The following SLC1A6 variants were observed in gnomAD, a reference collection of about 807,000 sequenced individuals.
The protein encoded by SLC1A6 is excitatory amino acid transporter 4.
SLC1A6 carries 15 observed loss-of-function variants against 42.1 expected under a neutral mutation model. The ratio of observed to expected loss-of-function variants is 0.36; its 90% CI spans 0.24 to 0.55. The LOEUF (loss-of-function observed/expected upper bound fraction) is 0.55. Ranked by LOEUF, SLC1A6 falls within the 20% of genes least tolerant of loss-of-function variation. The probability of loss-of-function intolerance (pLI) is 0.88; values close to 1 mark genes in which losing one functional copy is unlikely to be tolerated. For synonymous variants in SLC1A6, 317 were observed against 319.7 expected (o/e 0.99, Z 0.09); for missense variants, 542 against 772.5 (o/e 0.70, Z 3.54).
At chr19:15,010,225 G>GAGAAA (rs145113862) in intron 1 of SLC1A6, among the ~76,000 whole-genome samples, 7,036 of 89,826 alleles carry the variant, frequency 0.078, 261 homozygotes, top group African/African-American at 0.13. Flanking sequence ...AAGAGAGAGA[G>GAGAAA]AGAAAAGAAA....
intron 4 of SLC1A6, among the ~76,000 whole-genome samples, chr19:14,964,800 T>G (rs913260113): frequency 2.0e-5 from 3 of 152,178 alleles, no homozygotes; most frequent in African/African-American, 7.2e-5. Context: ...ATGATTAAGG[T>G]AGAACCATGG....
At chr19:14,987,400 A>G (rs111329710) in intron 1 of SLC1A6, among the ~76,000 whole-genome samples, 3,320 of 152,018 alleles carry the variant, frequency 0.022, 136 homozygotes, top group African/African-American at 0.076. Flanking sequence ...CCCAGGAGGC[A>G]GAGGTTGCAG....
intron 3 of SLC1A6, among the ~76,000 whole-genome samples, chr19:14,968,750 C>T (rs1568290398): frequency 6.6e-6 from 1 of 152,124 alleles, no homozygotes; most frequent in East Asian, 1.9e-4. Flanking sequence ...CAGCACTCCA[C>T]TATCCTACTG....
intron 1 of SLC1A6, chr19:14,977,189 A>G (rs954214580): frequency 2.6e-5 from 4 of 152,188 alleles, no homozygotes; most frequent in Non-Finnish European, 5.9e-5. Context: ...ACAGTCAGGA[A>G]AACTCCCGAG....
At chr19:14,953,701 A>T (rs543338401) in intron 8 of SLC1A6, among the ~76,000 whole-genome samples, 1 of 152,332 alleles carries the variant, frequency 6.6e-6, no homozygotes, top group Non-Finnish European at 1.5e-5. Context: ...CTGAAAAAGT[A>T]ACGCTGAAGA....
chr19:14,998,210 T>C (rs2045856336), intron 1 of SLC1A6, among the ~76,000 whole-genome samples: 1 of 152,090 alleles, frequency 6.6e-6, no homozygotes, highest in Admixed American at 6.6e-5. Flanking sequence ...TCTCTTCCCT[T>C]TGGAATTCAG....
intron 1 of SLC1A6, among the ~76,000 whole-genome samples, chr19:15,005,712 C>T (rs2045893065): frequency 1.3e-5 from 2 of 152,140 alleles, no homozygotes; most frequent in African/African-American, 4.8e-5. Context: ...AATTTCAATG[C>T]TTAGATAATA....
intron 4 of SLC1A6, among the ~76,000 whole-genome samples, chr19:14,967,178 C>T (rs1227615463): frequency 6.6e-6 from 1 of 152,182 alleles, no homozygotes; most frequent in African/African-American, 2.4e-5. Context: ...CTAGCAGCAG[C>T]TGCTGTTGGA....
At chr19:14,984,561 A>G (rs2045783939), upstream of SLC1A6, among the ~76,000 whole-genome samples, 1 of 152,214 alleles carries the variant, frequency 6.6e-6, no homozygotes, top group South Asian at 2.1e-4. Context: ...AAAATGCTAC[A>G]TATTTTAGTT....
At chr19:14,992,286 T>C (rs1266008112) in intron 1 of SLC1A6, among the ~76,000 whole-genome samples, 1 of 152,230 alleles carries the variant, frequency 6.6e-6, no homozygotes, top group Non-Finnish European at 1.5e-5. Context: ...TCGCCGGTTT[T>C]TTGGTGCTAC....
intron 1 of SLC1A6, among the ~76,000 whole-genome samples, chr19:14,989,365 A>G (rs960494035): frequency 6.6e-6 from 1 of 151,976 alleles, no homozygotes; most frequent in Non-Finnish European, 1.5e-5. Context: ...GGGTTCAAGC[A>G]ATTCTCCTGC....
intron 7 of SLC1A6, among the ~76,000 whole-genome samples, chr19:14,956,196 T>G (rs748934612): frequency 2.0e-5 from 3 of 152,096 alleles, no homozygotes; most frequent in Non-Finnish European, 4.4e-5. Context: ...AGGAAATGAC[T>G]GAGCTCATGG....
At position 14,966,730 on chromosome 19, in the gene SLC1A6, C is replaced by T. The variant is rs565165268; in HGVS notation, c.548+1573G>A. 3.3e-3 allele frequency among the ~76,000 whole-genome samples: 503 copies of T among 152,120 alleles called. 2 individuals carry two copies. Among genetic ancestry groups the T allele is most frequent in the African/African-American group, 0.01 (420 of 41,472 alleles). ...AATGAGTTCATGTCCTTTGCAGGGA[C>T]GTGGATGAAGCTGGAAGCCATCATT... On this transcript the variant is annotated intron_variant, in intron 4 of 9. Coordinates refer to ENST00000594383, the MANE Select transcript of SLC1A6 (RefSeq NM_005071.3).
intron 1 of SLC1A6, among the ~76,000 whole-genome samples, chr19:14,976,476 T>G (rs1465409711): frequency 6.6e-6 from 1 of 152,214 alleles, no homozygotes; most frequent in South Asian, 2.1e-4. Flanking sequence ...GCAACACACA[T>G]ACAACTGGAG....
intron 1 of SLC1A6, among the ~76,000 whole-genome samples, chr19:15,004,797 G>A (rs2045888364): frequency 6.6e-6 from 1 of 152,130 alleles, no homozygotes; most frequent in Admixed American, 6.5e-5. Context: ...TTATTTGTTA[G>A]TTTAAGAGAG....
Position 14,964,411 on chromosome 19 carries a change from T to A in SLC1A6, c.549-50A>T, listed in dbSNP as rs2045550687. ...AAAGTGGTTAGACCATGGAAGGGCA[T>A]CTAGGGTGATAACAGTAATACTAAC... On this transcript the variant is annotated intron_variant, in intron 4 of 9. Transcript: ENST00000594383. 3 of 1,464,472 alleles carry A rather than the reference T, an allele frequency of 2.0e-6. No homozygotes were observed. In the Admixed American group the frequency reaches 5.0e-5, roughly 25 times the overall value. 90.7% of individuals were successfully genotyped at this position (1,464,472 alleles called of 1,614,324 possible). A position where few individuals can be genotyped will look rare whatever the true frequency, so the allele number is the denominator to read the frequency against.
Position 14,956,531 on chromosome 19 carries a change from G to C in SLC1A6, c.1114C>G (p.Pro372Ala). ...GCTTGTAGCATGCCCCCAATGAAGG[G>C]GAAGGGGTTCCGGTGAGTGACGAGG... ...YFLVTHRNPF[P>A]FIGGMLQALI... is the part of the protein sequence containing the mutation. The change falls in exon 7 of 10, where the codon CCC becomes GCC. Residue 372 changes from proline to alanine, a missense_variant. This residue lies in a region of SLC1A6 where 298 missense variants were observed against 419.4 expected (regional missense o/e 0.71). Transcript: ENST00000594383. 6.2e-7 allele frequency: 1 copy of C among 1,611,600 alleles called. No homozygotes were observed. Among genetic ancestry groups the C allele is most frequent in the Non-Finnish European group, 8.5e-7 (1 of 1,178,646 alleles).
At chr19:14,971,173 TG>T (rs1187476946) in intron 3 of SLC1A6, among the ~76,000 whole-genome samples, 1 of 152,200 alleles carries the variant, frequency 6.6e-6, no homozygotes, top group Non-Finnish European at 1.5e-5. Context: ...TTTTACTGTG[TG>T]GGGGTTGGTG....
At chr19:14,974,748 T>C (rs1247031889) in intron 1 of SLC1A6, 3 of 152,024 alleles carry the variant, frequency 2.0e-5, no homozygotes, top group Non-Finnish European at 4.4e-5. Flanking sequence ...TGGTTGCTTT[T>C]GTGTTATGTG....
Sources: gnomAD v4.1 joint callset for allele counts (sites outside exome capture counted in the v4.1 genomes callset) on GRCh38, gnomAD v4.1.1 for gene constraint, gnomAD v4.1.1 regional missense constraint, MANE v1.5 for transcripts, NCBI Gene and HGNC (gene_info 2026-07-23, HGNC 2026-07-21) for gene names.